HYOU1: variants seen among roughly 807,000 people sequenced by gnomAD.
HYOU1 encodes the protein hypoxia up-regulated 1, also known as hypoxia up-regulated protein 1.
Under a neutral mutation model 120.5 loss-of-function variants are expected in HYOU1, and 40 were observed. That is an observed-to-expected ratio of 0.33 (90% CI 0.26 to 0.43). The LOEUF is 0.43. Among genes scored for constraint, HYOU1 ranks in the 20% least tolerant of loss-of-function variants. HYOU1 has a pLI of 1.00. For synonymous variants in HYOU1, 501 were observed against 479.4 expected, an observed-to-expected ratio of 1.05 and a Z score of -0.59; for missense variants, 1,085 against 1,278.3, an observed-to-expected ratio of 0.85 and a Z score of 2.31.
Position 119,054,969 on chromosome 11 carries a change from A to C in HYOU1, c.496+15T>G. Reference sequence around the variant, plus strand: ...TGGGGAGCCTGGCCCTAAGGGCCCCACCTTGACCACTCACCTGCAAAATCT... The same window carrying C: ...TGGGGAGCCTGGCCCTAAGGGCCCCCCCTTGACCACTCACCTGCAAAATCT... On this transcript the variant is annotated intron_variant, in intron 6 of 25. Coordinates refer to ENST00000617285, the MANE Select transcript of HYOU1 (RefSeq NM_006389.5). The C allele has an allele frequency of 6.2e-7, 1 of 1,613,174 alleles. No homozygotes were observed. The highest frequency in any genetic ancestry group is 1.1e-5 in the South Asian group (1 of 91,082).
intron 25 of HYOU1, 61 bp downstream of exon 25, chr11:119,045,720 T>C: frequency 2.5e-6 from 4 of 1,613,448 alleles, no homozygotes; most frequent in East Asian, 2.2e-5. Context: ...CCCCAGTTCT[T>C]TGCAAAGGAT....
In HYOU1 at chr11:119,054,565, T is replaced by C. The variant is rs1055877580; in HGVS notation, c.607A>G (p.Ile203Val). ...RMAGLKVLQL[I>V]NDNTATALSY... Reference sequence around the variant, plus strand: ...AGGGCAGTGGCGGTGTTGTCATTGATGAGCTGCAGCACTTTGAGGCCAGCC... The same window carrying C: ...AGGGCAGTGGCGGTGTTGTCATTGACGAGCTGCAGCACTTTGAGGCCAGCC... The change falls in exon 7 of 26, where the codon ATC becomes GTC. Residue 203 changes from isoleucine to valine, a missense_variant. This residue lies in a region of HYOU1 where 515 missense variants were observed against 677.8 expected (regional missense o/e 0.76). Coordinates refer to ENST00000617285, the MANE Select transcript of HYOU1 (RefSeq NM_006389.5). 8 of 1,614,206 alleles carry C rather than the reference T, an allele frequency of 5.0e-6. No individual in the cohort carries two copies. Among genetic ancestry groups the C allele is most frequent in the Non-Finnish European group, 5.9e-6 (7 of 1,180,040 alleles).
chr11:119,054,329 T>C, intron 7 of HYOU1, 93 bp from the exon 8 acceptor site: 1 of 1,236,260 alleles, frequency 8.1e-7, no homozygotes, highest in Non-Finnish European at 1.2e-6. Context: ...GCTGTCTGAC[T>C]CTTAACACAA....
At chr11:119,056,924 G>A (rs946934476) in intron 1 of HYOU1, 96 bp downstream of exon 1, 1 of 154,300 alleles carries the variant, frequency 6.5e-6, no homozygotes, top group Admixed American at 6.5e-5. Context: ...CGGCGTCCGC[G>A]CGGCCCTCCC....
Position 119,055,872 on chromosome 11 carries a change from C to A in HYOU1, c.92-29G>T. The A allele has an allele frequency of 3.8e-6, 6 of 1,588,000 alleles. No individual in the cohort carries two copies. The highest frequency in any genetic ancestry group is 5.2e-6 in the Non-Finnish European group (6 of 1,156,172). On this transcript the variant is annotated intron_variant, in intron 2 of 25. Coordinates refer to ENST00000617285, the MANE Select transcript of HYOU1 (RefSeq NM_006389.5). The surrounding 1 kb of genome is among the most constrained non-coding windows in gnomAD (Gnocchi z 4.0). Reference sequence around the variant, plus strand: ...AAGGGAAAAGAGGTTTGTCAGTTAGCTCTCCCTTCGCCCACCTTCCTGGGA... The same window carrying A: ...AAGGGAAAAGAGGTTTGTCAGTTAGATCTCCCTTCGCCCACCTTCCTGGGA...
intron 6 of HYOU1, 118 bp from the exon 7 acceptor site, chr11:119,054,793 A>G: frequency 8.5e-7 from 1 of 1,180,196 alleles, no homozygotes; most frequent in Non-Finnish European, 1.2e-6. Context: ...TGTCCTGTGC[A>G]CTGTAGGATG....
chr11:119,054,061 G>T, intron 8 of HYOU1, 60 bp downstream of exon 8: 1 of 1,068,810 alleles, frequency 9.4e-7, no homozygotes, highest in Non-Finnish European at 1.4e-6. Context: ...TCTCCTCCAA[G>T]AAGAAACCCC....
At position 119,054,964 on chromosome 11, in the gene HYOU1, G is replaced by A. The variant is rs1944666481; in HGVS notation, c.496+20C>T. ...GATCCTGGGGAGCCTGGCCCTAAGG[G>A]CCCCACCTTGACCACTCACCTGCAA... On this transcript the variant is annotated intron_variant, in intron 6 of 25. Transcript: ENST00000617285. 2 of 1,611,768 alleles carry A rather than the reference G, an allele frequency of 1.2e-6. No homozygotes were observed. The highest frequency in any genetic ancestry group is 2.2e-5 in the East Asian group (1 of 44,878).
Position 119,052,297 on chromosome 11 carries a change from G to A in HYOU1, c.1120C>T (p.Leu374=). 6.2e-7 allele frequency: 1 copy of A among 1,614,188 alleles called. No individual in the cohort carries two copies. Among genetic ancestry groups the A allele is most frequent in the Non-Finnish European group, 8.5e-7 (1 of 1,180,032 alleles). Residue 374 remains leucine (L), a splice_region_variant and synonymous_variant, in exon 10 of 26, where the codon CTG becomes TTG. Coordinates refer to ENST00000617285, the MANE Select transcript of HYOU1 (RefSeq NM_006389.5). The surrounding 1 kb of genome is among the most constrained non-coding windows in gnomAD (Gnocchi z 5.0). ...QQALQSAEMS[L]DEIEQVILVG... is the part of the protein sequence containing the mutation. ...CCCGCCTTCCCCTACTCGCTCACCA[G>A]ACTCATTTCGGCACTCTGGAGGGCC... is the stretch of plus-strand genomic sequence containing the variant.
chr11:119,047,816 C>G lies in HYOU1; in HGVS notation c.2513G>C (p.Gly838Ala). 1 of 1,613,956 alleles carries G rather than the reference C, an allele frequency of 6.2e-7. No individual in the cohort carries two copies. Among genetic ancestry groups the G allele is most frequent in the Non-Finnish European group, 8.5e-7 (1 of 1,180,026 alleles). ...LLNHSSMFLK[G>A]ARLIPEMDQI... is the part of the protein sequence containing the mutation. ...GTCCATCTCTGGGATGAGCCGGGCCCCCCTGGAAGCCAGAAAGGAGACCAT... is the reference window on the plus strand; with the variant it reads ...GTCCATCTCTGGGATGAGCCGGGCCGCCCTGGAAGCCAGAAAGGAGACCAT... Residue 838 changes from glycine (G) to alanine (A), a missense_variant and splice_region_variant, in exon 22 of 26, where the codon GGG (glycine) becomes GCG (alanine). Coordinates refer to ENST00000617285, the MANE Select transcript of HYOU1 (RefSeq NM_006389.5).
intron 15 of HYOU1, 41 bp downstream of exon 15, chr11:119,049,736 A>C: frequency 6.2e-7 from 1 of 1,609,900 alleles, no homozygotes; most frequent in Non-Finnish European, 8.5e-7. Flanking sequence ...ACCTTCACAC[A>C]AGTATATTCT....
chr11:119,052,439 G>A lies in HYOU1; in HGVS notation c.988-10C>T, dbSNP rs200844430. 1.3e-4 allele frequency: 215 copies of A among 1,614,108 alleles called. No individual in the cohort carries two copies. Among genetic ancestry groups the A allele is most frequent in the Non-Finnish European group, 1.8e-4 (210 of 1,180,020 alleles). The stretch of plus-strand genomic sequence containing the variant: ...CCATCAGGCCTTCAATCTGGGAGAG[G>A]ATGGGGACTGTCAGGGGGTTCTTGC... On this transcript the variant is annotated splice_polypyrimidine_tract_variant and intron_variant, in intron 9 of 25. Coordinates refer to ENST00000617285, the MANE Select transcript of HYOU1 (RefSeq NM_006389.5). The surrounding 1 kb of genome is among the most constrained non-coding windows in gnomAD (Gnocchi z 5.0).
Position 119,048,593 on chromosome 11 carries a change from G to A in HYOU1, c.2166-30C>T, listed in dbSNP as rs202126223. On this transcript the variant is annotated intron_variant, in intron 18 of 25. Transcript: ENST00000617285. This position sits in a 1 kb window ranked among gnomAD's most constrained non-coding sequence, Gnocchi z 4.7. ...GGGACAAAGGAGGGGTAGGGATGAG[G>A]GAGAGGGCAAGTGAGAACTTGAGAC... The A allele has an allele frequency of 1.4e-5, 22 of 1,612,320 alleles. No individual in the cohort carries two copies. The highest frequency in any genetic ancestry group is 1.9e-5 in the Non-Finnish European group (22 of 1,178,810).
Position 119,055,573 on chromosome 11 carries a change from T to C in HYOU1, c.186-2A>G. 6.2e-7 allele frequency: 1 copy of C among 1,613,730 alleles called. No homozygotes were observed. The highest frequency in any genetic ancestry group is 8.5e-7 in the Non-Finnish European group (1 of 1,179,714). ...ACCGGTGTTTTCCTCCGAGATTCCC[T>C]GAGGAAAAGAGATTTTGGGCCCAGG... On this transcript the variant is annotated splice_acceptor_variant, in intron 3 of 25. Transcript: ENST00000617285. LOFTEE classifies it high-confidence loss of function. This position sits in a 1 kb window ranked among gnomAD's most constrained non-coding sequence, Gnocchi z 4.0.
Position 119,054,988 on chromosome 11 carries a change from A to G in HYOU1, c.492T>C (p.Phe164=). ...LNYSRSLAED[F]AEQPIKDAVI... ...GGCCCCACCTTGACCACTCACCTGC[A>G]AAATCTTCAGCTAGAGAACGAGAAT... Residue 164 remains phenylalanine, a synonymous_variant, in exon 6 of 26, where the codon TTT becomes TTC. Coordinates refer to ENST00000617285, the MANE Select transcript of HYOU1 (RefSeq NM_006389.5). 6.2e-7 allele frequency: 1 copy of G among 1,613,896 alleles called. No individual in the cohort carries two copies. Among genetic ancestry groups the G allele is most frequent in the Non-Finnish European group, 8.5e-7 (1 of 1,180,024 alleles).
At chr11:119,047,691 G>A (rs2133557480) in intron 22 of HYOU1, 43 bp downstream of exon 22, 2 of 1,509,612 alleles carry the variant, frequency 1.3e-6, no homozygotes, top group Middle Eastern at 1.8e-4. Context: ...CAGTACCTAG[G>A]ATGGCAGCTA....
Position 119,055,849 on chromosome 11 carries a change from G to A in HYOU1, c.92-6C>T, listed in dbSNP as rs535721510. Reference sequence around the variant, plus strand: ...AGACATCACTGCCAGTGTATCTGAAGGGAAAAGAGGTTTGTCAGTTAGCTC... The same window carrying A: ...AGACATCACTGCCAGTGTATCTGAAAGGAAAAGAGGTTTGTCAGTTAGCTC... On this transcript the variant is annotated splice_region_variant and splice_polypyrimidine_tract_variant and intron_variant, in intron 2 of 25. Coordinates refer to ENST00000617285, the MANE Select transcript of HYOU1 (RefSeq NM_006389.5). The surrounding 1 kb of genome is among the most constrained non-coding windows in gnomAD (Gnocchi z 4.0). 4 of 1,612,664 alleles carry A rather than the reference G, an allele frequency of 2.5e-6. No homozygotes were observed. The highest frequency in any genetic ancestry group is 2.7e-5 in the African/African-American group (2 of 75,018).
rs571182407 is a variant in HYOU1 at position 119,045,403 on chromosome 11, CCACAGAGG to C, written c.*182_*189del. The stretch of plus-strand genomic sequence containing the variant: ...GGAGGAGAACAGTTTCCATTTTTAA[CCACAGAGG>C]TACTGCAGAAGGAACCAGTGAGCTG... On this transcript the variant is annotated 3_prime_UTR_variant, in exon 26 of 26. Coordinates refer to ENST00000617285, the MANE Select transcript of HYOU1 (RefSeq NM_006389.5). 766 of 709,904 alleles carry C rather than the reference CCACAGAGG, an allele frequency of 1.1e-3. 1 individual carries two copies. Among genetic ancestry groups the C allele is most frequent in the Non-Finnish European group, 1.7e-3 (645 of 390,350 alleles). The allele number at this position is 709,904 out of a possible 1,614,324, so 44.0% of individuals were successfully genotyped here.
In HYOU1 at chr11:119,052,265, G is replaced by A. The variant is rs1475508611; in HGVS notation, c.1122+30C>T. 2 of 1,614,120 alleles carry A rather than the reference G, an allele frequency of 1.2e-6. No homozygotes were observed. Among genetic ancestry groups the A allele is most frequent in the Middle Eastern group, 1.7e-4 (1 of 6,060 alleles). ...TGGGTTTCCTATGCCCTTTCCTACG[G>A]GGCATTCCCGCCTTCCCCTACTCGC... On this transcript the variant is annotated intron_variant, in intron 10 of 25. Coordinates refer to ENST00000617285, the MANE Select transcript of HYOU1 (RefSeq NM_006389.5). The surrounding 1 kb of genome is among the most constrained non-coding windows in gnomAD (Gnocchi z 5.0).
Sources: allele counts gnomAD v4.1 joint callset, GRCh38; gene constraint gnomAD v4.1.1; regional missense constraint gnomAD v4.1.1; non-coding constraint Gnocchi (gnomAD v3.1); transcripts MANE v1.5; gene names NCBI Gene and HGNC (gene_info 2026-07-23, HGNC 2026-07-21).